GRID1: variants seen among roughly 807,000 people sequenced by gnomAD.
GRID1 encodes glutamate ionotropic receptor delta type subunit 1, also known as glutamate receptor ionotropic, delta-1.
Under a neutral mutation model 98.0 loss-of-function variants are expected in GRID1, and 28 were observed. The ratio of observed to expected loss-of-function variants is 0.29; its 90% CI spans 0.21 to 0.39. GRID1 has a LOEUF of 0.39. Ranked by LOEUF, GRID1 falls within the 10% of genes least tolerant of loss-of-function variation. The probability of loss-of-function intolerance (pLI) is 1.00; values close to 1 mark genes in which losing one functional copy is unlikely to be tolerated. For synonymous variants in GRID1, 553 were observed against 538.5 expected, an observed-to-expected ratio of 1.03 and a Z score of -0.37; for missense variants, 1,111 against 1,340.5, an observed-to-expected ratio of 0.83 and a Z score of 2.67.
intron 2 of GRID1, among the ~76,000 whole-genome samples, chr10:86,319,500 G>T (rs987281821): frequency 6.6e-6 from 1 of 152,162 alleles, no homozygotes; most frequent in Non-Finnish European, 1.5e-5. Flanking sequence ...TTTTCTGCCT[G>T]GCATGGGATG....
intron 4 of GRID1, among the ~76,000 whole-genome samples, chr10:86,035,730 T>A (rs1270000644): frequency 6.6e-6 from 1 of 152,178 alleles, no homozygotes; most frequent in Non-Finnish European, 1.5e-5. Context: ...GGGAGACAGA[T>A]AATGAGCATT....
chr10:85,822,531 G>A (rs1412624261), intron 8 of GRID1, among the ~76,000 whole-genome samples: 1 of 152,148 alleles, frequency 6.6e-6, no homozygotes, highest in Admixed American at 6.5e-5. Context: ...TAAAAAGTCA[G>A]GAAACAACAA....
chr10:86,152,985 A>G (rs1022685209), intron 3 of GRID1, among the ~76,000 whole-genome samples: 27 of 152,308 alleles, frequency 1.8e-4, no homozygotes, highest in African/African-American at 5.8e-4. Context: ...CCTGTCTTTG[A>G]AGGGACAGTG....
chr10:86,004,740 T>TCACACACACACACATACA (rs1393897355), intron 4 of GRID1, among the ~76,000 whole-genome samples: 25 of 94,348 alleles, frequency 2.6e-4, no homozygotes, highest in African/African-American at 8.5e-4. Context: ...ACACACACAC[T>TCACACACACACACATACA]CACACACACA....
chr10:86,074,892 G>A (rs1360896479), intron 4 of GRID1, among the ~76,000 whole-genome samples: 1 of 152,212 alleles, frequency 6.6e-6, no homozygotes, highest in African/African-American at 2.4e-5. Context: ...CAGGGAAGGA[G>A]GAAGTCATTG....
chr10:86,015,276 G>A (rs1842966861), intron 4 of GRID1, among the ~76,000 whole-genome samples: 1 of 152,210 alleles, frequency 6.6e-6, no homozygotes, highest in African/African-American at 2.4e-5. Context: ...CAGCCAAAAA[G>A]GAATAATGTC....
At chr10:86,230,798 C>T (rs770894215) in intron 2 of GRID1, among the ~76,000 whole-genome samples, 4 of 152,176 alleles carry the variant, frequency 2.6e-5, no homozygotes, top group Non-Finnish European at 5.9e-5. Context: ...GCTGTCTCCC[C>T]CTCTGGTCTG....
At chr10:85,992,175 G>A (rs1396609999) in intron 4 of GRID1, among the ~76,000 whole-genome samples, 3 of 151,870 alleles carry the variant, frequency 2.0e-5, no homozygotes, top group African/African-American at 7.3e-5. Flanking sequence ...GGAGGAGGAG[G>A]GGTTGAAAGG....
chr10:85,647,614 T>G, intron 12 of GRID1: 1 of 519,418 alleles, frequency 1.9e-6, no homozygotes, highest in South Asian at 2.8e-5. Flanking sequence ...TGCAGATTAA[T>G]TCAATAAGAT....
At chr10:86,100,647 T>G (rs1317961545) in intron 4 of GRID1, among the ~76,000 whole-genome samples, 2 of 152,152 alleles carry the variant, frequency 1.3e-5, no homozygotes, top group African/African-American at 4.8e-5. Context: ...TTTGGATTAT[T>G]GGTAATATTC....
intron 2 of GRID1, among the ~76,000 whole-genome samples, chr10:86,250,840 G>A (rs1846815883): frequency 6.6e-6 from 1 of 152,226 alleles, no homozygotes; most frequent in Admixed American, 6.5e-5. Context: ...CTGTCTGGGA[G>A]GTGTACCCAA....
At chr10:86,179,687 C>T (rs1209438461) in intron 3 of GRID1, among the ~76,000 whole-genome samples, 7 of 152,188 alleles carry the variant, frequency 4.6e-5, no homozygotes, top group African/African-American at 1.4e-4. Flanking sequence ...CTCAGGGCCA[C>T]AGCCAATCAA....
chr10:85,735,582 G>A (rs961223176), intron 8 of GRID1, among the ~76,000 whole-genome samples: 1 of 152,110 alleles, frequency 6.6e-6, no homozygotes. Context: ...TAAATGCAGG[G>A]TTATTAACCC....
chr10:86,199,459 C>T (rs1845918322), intron 3 of GRID1, among the ~76,000 whole-genome samples: 1 of 152,158 alleles, frequency 6.6e-6, no homozygotes, highest in South Asian at 2.1e-4. Flanking sequence ...GGTGTTTGCT[C>T]CCCACAGCTT....
intron 13 of GRID1, among the ~76,000 whole-genome samples, chr10:85,625,395 T>A (rs1369418101): frequency 6.6e-6 from 1 of 152,224 alleles, no homozygotes; most frequent in Non-Finnish European, 1.5e-5. Context: ...CTCCTTGACA[T>A]TTTTGGCCTA....
intron 4 of GRID1, among the ~76,000 whole-genome samples, chr10:86,000,680 C>T (rs939670542): frequency 5.9e-5 from 9 of 152,212 alleles, no homozygotes; most frequent in Middle Eastern, 6.8e-3. Context: ...GAAAGGATAG[C>T]GTCTTAACAA....
intron 8 of GRID1, among the ~76,000 whole-genome samples, chr10:85,844,204 A>G (rs1842985674): frequency 6.6e-6 from 1 of 152,122 alleles, no homozygotes; most frequent in Non-Finnish European, 1.5e-5. Context: ...AACATATATA[A>G]TATTTTTTAA....
At chr10:85,791,288 C>A (rs970735198) in intron 8 of GRID1, among the ~76,000 whole-genome samples, 2 of 152,212 alleles carry the variant, frequency 1.3e-5, no homozygotes, top group Admixed American at 1.3e-4. Flanking sequence ...TGCCCCATGG[C>A]GAGATGGAGC....
chr10:85,811,227 T>G (rs2131744466), intron 8 of GRID1, among the ~76,000 whole-genome samples: 1 of 152,346 alleles, frequency 6.6e-6, no homozygotes, highest in African/African-American at 2.4e-5. Flanking sequence ...AAAACCCATC[T>G]ATAGGAATAA....
Sources: allele counts gnomAD v4.1 joint callset (sites outside exome capture counted in the v4.1 genomes callset), GRCh38; gene constraint gnomAD v4.1.1; transcripts MANE v1.5; gene names NCBI Gene and HGNC (gene_info 2026-07-23, HGNC 2026-07-21).